Variants in NARS2 observed in about 807,000 individuals in gnomAD.
The protein encoded by NARS2 is asparaginyl-tRNA synthetase.
In NARS2, 60 loss-of-function variants were observed where a neutral mutation model predicts 62.9. The ratio of observed to expected loss-of-function variants is 0.95; its 90% CI spans 0.77 to 1.18. The LOEUF is 1.18. Among genes scored for constraint, NARS2 ranks in the 50% most tolerant of loss-of-function variants. The pLI, the probability that NARS2 is intolerant of heterozygous loss-of-function variation, is 0.00. For synonymous variants in NARS2, 196 were observed against 200.0 expected (o/e 0.98, Z 0.17); for missense variants, 619 against 576.4 (o/e 1.07, Z -0.76).
At chr11:78,523,996 G>A (rs867061930) in intron 6 of NARS2, among the ~76,000 whole-genome samples, 1 of 151,968 alleles carries the variant, frequency 6.6e-6, no homozygotes. Context: ...GGGCATATAC[G>A]TTCTCTCTCA....
At chr11:78,567,078 T>C (rs1856768323) in intron 3 of NARS2, among the ~76,000 whole-genome samples, 1 of 152,154 alleles carries the variant, frequency 6.6e-6, no homozygotes, top group South Asian at 2.1e-4. Flanking sequence ...AATTCCCTAA[T>C]GTTGGAATAC....
Position 78,490,431 on chromosome 11 carries a change from T to C in NARS2, c.822+2632A>G, listed in dbSNP as rs142799257. ...GTTTTCTTCTGGTTCACAGTATTCC[T>C]GGACATTAATCACCAAAGCTTAAGA... is the stretch of plus-strand genomic sequence containing the variant. On this transcript the variant is annotated intron_variant, in intron 7 of 13. Coordinates refer to ENST00000281038, the MANE Select transcript of NARS2 (RefSeq NM_024678.6). Among the ~76,000 whole-genome samples, 20 of 152,356 alleles carry C rather than the reference T, an allele frequency of 1.3e-4. No individual in the cohort carries two copies. In the East Asian group the frequency reaches 3.9e-3, roughly 29 times the overall value.
At chr11:78,545,275 ACACCT>A (rs1436073099) in intron 5 of NARS2, among the ~76,000 whole-genome samples, 4 of 152,150 alleles carry the variant, frequency 2.6e-5, no homozygotes, top group Non-Finnish European at 5.9e-5. Flanking sequence ...CAAAAGTGTT[ACACCT>A]CATAAAGATG....
At chr11:78,490,572 T>A (rs1217936876) in intron 7 of NARS2, among the ~76,000 whole-genome samples, 1 of 152,070 alleles carries the variant, frequency 6.6e-6, no homozygotes, top group Non-Finnish European at 1.5e-5. Flanking sequence ...ATCCCAGCAC[T>A]TTGGGACACT....
intron 2 of NARS2, among the ~76,000 whole-genome samples, chr11:78,569,945 T>A (rs897699195): frequency 2.0e-5 from 3 of 152,124 alleles, no homozygotes; most frequent in Non-Finnish European, 4.4e-5. Context: ...TCCCAGCACC[T>A]TGGGAGGCTG....
intron 7 of NARS2, among the ~76,000 whole-genome samples, chr11:78,480,949 G>C (rs1859327796): frequency 6.6e-6 from 1 of 151,918 alleles, no homozygotes; most frequent in Non-Finnish European, 1.5e-5. Flanking sequence ...CTCCTGAGTA[G>C]CTGGGATTAC....
In NARS2 at chr11:78,442,882, G is replaced by C. The variant is rs554069578; in HGVS notation, c.1262+779C>G. 9.8e-5 allele frequency among the ~76,000 whole-genome samples: 15 copies of C among 152,306 alleles called. No individual in the cohort carries two copies. In the South Asian group the frequency reaches 3.1e-3, roughly 32 times the overall value. ...ACCCTTACATAGAAGAGAATCTGAG[G>C]AAGTGAAATGTGCTTATTCTAAATG... On this transcript the variant is annotated intron_variant, in intron 12 of 13. Transcript: ENST00000281038.
At chr11:78,516,403 C>T (rs1860912259) in intron 6 of NARS2, among the ~76,000 whole-genome samples, 1 of 152,198 alleles carries the variant, frequency 6.6e-6, no homozygotes, top group Admixed American at 6.5e-5. Flanking sequence ...AAATGCACTT[C>T]CGTGTAATCA....
Position 78,571,403 on chromosome 11 carries a change from G to A in NARS2, c.183C>T (p.Phe61=). Residue 61 remains phenylalanine, a synonymous_variant, in exon 2 of 14, where the codon TTC becomes TTT. Transcript: ENST00000281038. ...RSVRSQKEVL[F]LHVNDGSSLE... ...AAGATGACCCATCATTTACATGCAG[G>A]AACAAGACTTCCTTCTGGGATCGGA... The A allele has an allele frequency of 3.1e-6, 5 of 1,613,298 alleles. No homozygotes were observed. Among genetic ancestry groups the A allele is most frequent in the Non-Finnish European group, 4.2e-6 (5 of 1,179,812 alleles).
intron 11 of NARS2, among the ~76,000 whole-genome samples, chr11:78,459,884 G>A (rs1472574709): frequency 2.6e-5 from 4 of 152,220 alleles, no homozygotes; most frequent in Admixed American, 2.6e-4. Context: ...GTATCTCTGG[G>A]TGTGAAACTT....
At chr11:78,559,132 G>A (rs376468640) in intron 5 of NARS2, among the ~76,000 whole-genome samples, 8 of 151,698 alleles carry the variant, frequency 5.3e-5, no homozygotes, top group African/African-American at 1.7e-4. Flanking sequence ...GAGAAACCCC[G>A]TCTCTACTAA....
intron 5 of NARS2, among the ~76,000 whole-genome samples, chr11:78,532,523 T>C (rs891573550): frequency 1.3e-5 from 2 of 152,230 alleles, no homozygotes; most frequent in African/African-American, 4.8e-5. Context: ...AAATGAAAGC[T>C]GCTGAAACTT....
At chr11:78,551,321 T>A in intron 5 of NARS2, among the ~76,000 whole-genome samples, 1 of 152,186 alleles carries the variant, frequency 6.6e-6, no homozygotes, top group Middle Eastern at 3.2e-3. Flanking sequence ...CAAACCTGTA[T>A]AACATGTTAC....
rs376745508 is a variant in NARS2, at chr11:78,568,805, T to C, written c.252-53A>G. The C allele has an allele frequency of 4.3e-6, 6 of 1,391,220 alleles. No individual in the cohort carries two copies. In the South Asian group the frequency reaches 6.6e-5, roughly 15 times the overall value. The allele number at this position is 1,391,220 out of a possible 1,614,324, so 86.2% of individuals were successfully genotyped here. A position where few individuals can be genotyped will look rare whatever the true frequency, so the allele number is the denominator to read the frequency against. ...AGATATCATTATATACAACCTTCATTTTAATATCAACTTTGCAATAAGAAT... is the reference window on the plus strand; with the variant it reads ...AGATATCATTATATACAACCTTCATCTTAATATCAACTTTGCAATAAGAAT... On this transcript the variant is annotated intron_variant, in intron 2 of 13. Transcript: ENST00000281038.
chr11:78,450,713 C>T (rs931347387), intron 11 of NARS2, among the ~76,000 whole-genome samples: 3 of 134,820 alleles, frequency 2.2e-5, no homozygotes, highest in Admixed American at 8.1e-5. Context: ...CTCACTGTGT[C>T]GCCCAGGCTG....
At chr11:78,569,172 G>A (rs1261613506) in intron 2 of NARS2, among the ~76,000 whole-genome samples, 1 of 152,050 alleles carries the variant, frequency 6.6e-6, no homozygotes, top group Non-Finnish European at 1.5e-5. Flanking sequence ...AAGCACATAA[G>A]GTGCTACTTT....
intron 5 of NARS2, among the ~76,000 whole-genome samples, chr11:78,534,879 A>C (rs1364785553): frequency 1.3e-5 from 2 of 152,226 alleles, no homozygotes; most frequent in East Asian, 1.9e-4. Context: ...CATTTGTGTT[A>C]ATCCTTGGGA....
At chr11:78,449,416 C>T (rs904039367) in intron 11 of NARS2, among the ~76,000 whole-genome samples, 2 of 151,944 alleles carry the variant, frequency 1.3e-5, no homozygotes, top group Non-Finnish European at 1.5e-5. Flanking sequence ...GGATTACAGG[C>T]GTGAGCCACC....
At chr11:78,442,933 A>G (rs186334944) in intron 12 of NARS2, among the ~76,000 whole-genome samples, 6 of 152,260 alleles carry the variant, frequency 3.9e-5, no homozygotes, top group Admixed American at 1.3e-4. Context: ...TCTTTCCCCA[A>G]CTTCATCCTT....
Sources: allele counts gnomAD v4.1 joint callset (sites outside exome capture counted in the v4.1 genomes callset), GRCh38; gene constraint gnomAD v4.1.1; transcripts MANE v1.5; gene names NCBI Gene and HGNC (gene_info 2026-07-23, HGNC 2026-07-21).